The following KCNJ5 variants were observed in gnomAD, a reference collection of about 807,000 sequenced individuals.
KCNJ5 encodes the protein G protein-activated inward rectifier potassium channel 4.
Under a neutral mutation model 20.2 loss-of-function variants are expected in KCNJ5, and 12 were observed. The observed-to-expected ratio is 0.59, with a 90% CI of 0.38 to 0.96. The LOEUF (loss-of-function observed/expected upper bound fraction) is 0.96. Ranked by LOEUF, KCNJ5 falls within the 40% of genes least tolerant of loss-of-function variation. KCNJ5 has a pLI of 0.00. For synonymous variants in KCNJ5, 210 were observed against 213.9 expected (o/e 0.98, Z 0.16); for missense variants, 449 against 557.6 (o/e 0.81, Z 1.96).
intron 2 of KCNJ5, among the ~76,000 whole-genome samples, 165 bp from the exon 3 acceptor site, chr11:128,916,244 A>G (rs61910653): frequency 1.5e-4 from 19 of 129,266 alleles, no homozygotes; most frequent in African/African-American, 4.8e-4. Flanking sequence ...ATAGATGATT[A>G]GATGGATGGA....
chr11:128,916,275 T>TGGATGGAA (rs1184730315), intron 2 of KCNJ5, 134 bp from the exon 3 acceptor site: 3 of 723,852 alleles, frequency 4.1e-6, no homozygotes, highest in Non-Finnish European at 7.4e-6. Flanking sequence ...GATGGATGGA[T>TGGATGGAA]GGATGAACAG....
At chr11:128,908,332 T>C (rs1446842391) in intron 1 of KCNJ5, among the ~76,000 whole-genome samples, 1 of 152,210 alleles carries the variant, frequency 6.6e-6, no homozygotes, top group Non-Finnish European at 1.5e-5. Context: ...GAGGATATTA[T>C]CTGGGATTTA....
At chr11:128,897,269 TGTATTTTTA>T in intron 1 of KCNJ5, among the ~76,000 whole-genome samples, 1 of 152,154 alleles carries the variant, frequency 6.6e-6, no homozygotes, top group East Asian at 1.9e-4. Flanking sequence ...GGCTAATTTT[TGTATTTTTA>T]GTAGAGACAA....
intron 1 of KCNJ5, chr11:128,903,627 G>C: frequency 1.6e-5 from 18 of 1,110,552 alleles, no homozygotes; most frequent in Non-Finnish European, 2.1e-5. Context: ...AGAGAGTGAC[G>C]GGGCACTCTT....
intron 2 of KCNJ5, among the ~76,000 whole-genome samples, chr11:128,914,880 C>T (rs557934905): frequency 1.6e-4 from 24 of 152,350 alleles, no homozygotes; most frequent in South Asian, 1.2e-3. Flanking sequence ...AGGCTGCAGA[C>T]GTCTGGCATG....
At chr11:128,910,856 A>G (rs1429327549) in intron 1 of KCNJ5, among the ~76,000 whole-genome samples, 4 of 152,216 alleles carry the variant, frequency 2.6e-5, no homozygotes, top group Non-Finnish European at 5.9e-5. Flanking sequence ...GGATTCCAAT[A>G]TCTAATGCCA....
chr11:128,916,699 G>C lies in KCNJ5; in HGVS notation c.1228G>C (p.Gly410Arg). 1 of 1,609,130 alleles carries C rather than the reference G, an allele frequency of 6.2e-7. No homozygotes were observed. The highest frequency in any genetic ancestry group is 8.5e-7 in the Non-Finnish European group (1 of 1,178,100). ...QNEEDEPKGL[G>R]GSREARGSV ...TGAAGAAGATGAGCCCAAGGGGCTG[G>C]GTGGGTCCAGGGAGGCCAGGGGCTC... The change falls in exon 3 of 3, where the codon GGT becomes CGT. Residue 410 changes from glycine (G) to arginine (R), a missense_variant. Transcript: ENST00000529694.
At chr11:128,898,922 C>T (rs1302844300) in intron 1 of KCNJ5, among the ~76,000 whole-genome samples, 3 of 152,196 alleles carry the variant, frequency 2.0e-5, no homozygotes, top group South Asian at 2.1e-4. Context: ...CCAGGTAATC[C>T]GCCTGCCTTG....
intron 1 of KCNJ5, chr11:128,901,666 C>T (rs1455994058): frequency 6.6e-6 from 1 of 152,262 alleles, no homozygotes; most frequent in African/African-American, 2.4e-5. Context: ...AATAATCCCA[C>T]CCATGTGGGG....
At chr11:128,899,047 A>G (rs1266449061) in intron 1 of KCNJ5, among the ~76,000 whole-genome samples, 2 of 152,050 alleles carry the variant, frequency 1.3e-5, no homozygotes, top group Admixed American at 1.3e-4. Flanking sequence ...TTCTTACCCC[A>G]TGATATTTGT....
chr11:128,891,464 A>AGAGAGG lies in KCNJ5; in HGVS notation c.-263_-262insGGAGAG, dbSNP rs1944088113. ...CACAGAGAGAGAGAGAGAGAGAGAG[A>AGAGAGG]GAGAGAGAGAGATTGTTCCAGCTGC... On this transcript the variant is annotated 5_prime_UTR_variant, in exon 1 of 3. Coordinates refer to ENST00000529694, the MANE Select transcript of KCNJ5 (RefSeq NM_000890.5). 6.6e-6 allele frequency: 1 copy of AGAGAGG among 152,134 alleles called. No homozygotes were observed. The highest frequency in any genetic ancestry group is 2.4e-5 in the African/African-American group (1 of 40,988). The allele number at this position is 152,134 out of a possible 1,614,324, so 9.4% of individuals were successfully genotyped here. A position where few individuals can be genotyped will look rare whatever the true frequency, so the allele number is the denominator to read the frequency against.
Position 128,916,897 on chromosome 11 carries a change from A to G in KCNJ5, c.*166A>G. 1 of 615,136 alleles carries G rather than the reference A, an allele frequency of 1.6e-6. No individual in the cohort carries two copies. Among genetic ancestry groups the G allele is most frequent in the Non-Finnish European group, 2.8e-6 (1 of 352,616 alleles). The allele number at this position is 615,136 out of a possible 1,614,324, so 38.1% of individuals were successfully genotyped here. Reference sequence around the variant, plus strand: ...ACCCAGCCCTCACAGCTCCCAGCACAGGGCCTCCCTGAGCCAGTGGCATCC... The same window carrying G: ...ACCCAGCCCTCACAGCTCCCAGCACGGGGCCTCCCTGAGCCAGTGGCATCC... On this transcript the variant is annotated 3_prime_UTR_variant, in exon 3 of 3. Coordinates refer to ENST00000529694, the MANE Select transcript of KCNJ5 (RefSeq NM_000890.5).
chr11:128,915,985 ATT>A, intron 2 of KCNJ5, among the ~76,000 whole-genome samples: 1 of 19,962 alleles, frequency 5.0e-5, no homozygotes, highest in Non-Finnish European at 9.7e-5. Flanking sequence ...TGGATGGATG[ATT>A]GGATGGATGG....
intron 1 of KCNJ5, among the ~76,000 whole-genome samples, chr11:128,906,229 G>A (rs1944413274): frequency 6.6e-6 from 1 of 152,212 alleles, no homozygotes; most frequent in South Asian, 2.1e-4. Flanking sequence ...GAAGCTTAGA[G>A]AAGTAACTTT....
At position 128,917,404 on chromosome 11, in the gene KCNJ5, G is replaced by A. The variant is rs1051385028; in HGVS notation, c.*673G>A. ...ATCGGTCTCATTAGAGTGACTCTTA[G>A]AAGGTGGCCTGGGACTAGACAGCCC... On this transcript the variant is annotated 3_prime_UTR_variant, in exon 3 of 3. Transcript: ENST00000529694. 6.6e-6 allele frequency: 1 copy of A among 152,470 alleles called. No homozygotes were observed. Among genetic ancestry groups the A allele is most frequent in the Admixed American group, 6.5e-5 (1 of 15,286 alleles). The allele number at this position is 152,470 out of a possible 1,614,324, so 9.4% of individuals were successfully genotyped here.
At chr11:128,902,466 AC>A in intron 1 of KCNJ5, 3 of 1,504,576 alleles carry the variant, frequency 2.0e-6, no homozygotes, top group Non-Finnish European at 2.7e-6. Context: ...GCAGCGAGGA[AC>A]CCCGCACTTT....
At chr11:128,903,303 C>A in intron 1 of KCNJ5, 3 of 1,575,514 alleles carry the variant, frequency 1.9e-6, no homozygotes, top group Non-Finnish European at 2.6e-6. Context: ...ACTAATTGCA[C>A]GTGACCAAGA....
Position 128,907,849 on chromosome 11 carries a change from C to T in KCNJ5, c.-10-3415C>T, listed in dbSNP as rs182086646. On this transcript the variant is annotated intron_variant, in intron 1 of 2. Coordinates refer to ENST00000529694, the MANE Select transcript of KCNJ5 (RefSeq NM_000890.5). Reference sequence around the variant, plus strand: ...GGAGGGCTGGCTCTGCGTTTATCTTCTTCACTGCTTTATGTCCAGCTCCTA... The same window carrying T: ...GGAGGGCTGGCTCTGCGTTTATCTTTTTCACTGCTTTATGTCCAGCTCCTA... 1.0e-3 allele frequency among the ~76,000 whole-genome samples: 156 copies of T among 152,340 alleles called. 1 individual carries two copies. The highest frequency in any genetic ancestry group is 2.5e-3 in the South Asian group (12 of 4,826).
intron 1 of KCNJ5, chr11:128,902,481 G>A: frequency 6.5e-7 from 1 of 1,540,328 alleles, no homozygotes; most frequent in Non-Finnish European, 8.8e-7. Context: ...GCACTTTAAG[G>A]AACAGGGATG....
Sources: gnomAD v4.1 joint callset for allele counts (sites outside exome capture counted in the v4.1 genomes callset) on GRCh38, gnomAD v4.1.1 for gene constraint, MANE v1.5 for transcripts, NCBI Gene and HGNC (gene_info 2026-07-23, HGNC 2026-07-21) for gene names.